The following SHISA9 variants were observed in gnomAD, a reference collection of about 807,000 sequenced individuals.
SHISA9 encodes the protein protein shisa-9.
Under a neutral mutation model 38.0 loss-of-function variants are expected in SHISA9, and 13 were observed. The observed-to-expected ratio is 0.34, with a 90% CI of 0.22 to 0.54. SHISA9 has a LOEUF of 0.54. Ranked by LOEUF, SHISA9 falls within the 20% of genes least tolerant of loss-of-function variation. SHISA9 has a pLI of 0.91. For missense variants in SHISA9, 538 were observed against 575.8 expected, an observed-to-expected ratio of 0.93 and a Z score of 0.67; for synonymous variants, 275 against 242.0, an observed-to-expected ratio of 1.14 and a Z score of -1.27.
chr16:13,033,033 C>T (rs912605075), intron 2 of SHISA9, among the ~76,000 whole-genome samples: 3 of 152,218 alleles, frequency 2.0e-5, no homozygotes, highest in Non-Finnish European at 4.4e-5. Flanking sequence ...GCTTTCTTCG[C>T]ATGGTGACCA....
chr16:13,285,358 A>C, the SHISA9 span, among the ~76,000 whole-genome samples: 1 of 152,074 alleles, frequency 6.6e-6, no homozygotes, highest in Admixed American at 6.6e-5. Flanking sequence ...ATTTAAATTG[A>C]ACGATGTTGG....
chr16:13,059,211 T>C (rs1417334474), intron 2 of SHISA9, among the ~76,000 whole-genome samples: 1 of 135,036 alleles, frequency 7.4e-6, no homozygotes, highest in Non-Finnish European at 1.5e-5. Context: ...CATTGCAAGC[T>C]CCCCCTCCCG....
chr16:13,144,595 G>A (rs150062), intron 2 of SHISA9, among the ~76,000 whole-genome samples: 113,488 of 152,058 alleles, frequency 0.75, 42,637 homozygotes, highest in South Asian at 0.86. Context: ...AGAAGAGATG[G>A]AACTAAAAAA....
the SHISA9 span, among the ~76,000 whole-genome samples, chr16:13,295,537 G>A: frequency 2.6e-5 from 4 of 152,166 alleles, no homozygotes; most frequent in Non-Finnish European, 2.9e-5. Flanking sequence ...CCTTCAGAGG[G>A]CATTGAAAAT....
At chr16:13,195,209 C>T (rs1026921278) in intron 2 of SHISA9, among the ~76,000 whole-genome samples, 1 of 152,066 alleles carries the variant, frequency 6.6e-6, no homozygotes, top group South Asian at 2.1e-4. Context: ...ATTCTTGGAC[C>T]AGGATAACAA....
chr16:12,964,737 G>C (rs1188370145), intron 2 of SHISA9, among the ~76,000 whole-genome samples: 4 of 152,078 alleles, frequency 2.6e-5, no homozygotes, highest in Non-Finnish European at 5.9e-5. Flanking sequence ...GGGAATGTAG[G>C]GAATTCCTAG....
chr16:13,444,951 T>C, the SHISA9 span, among the ~76,000 whole-genome samples: 1 of 144,384 alleles, frequency 6.9e-6, no homozygotes, highest in African/African-American at 2.6e-5. Flanking sequence ...CCCAGAGAGC[T>C]GGGACCATGG....
intron 2 of SHISA9, among the ~76,000 whole-genome samples, chr16:13,152,281 AGG>A (rs2050506404): frequency 6.6e-6 from 1 of 152,148 alleles, no homozygotes; most frequent in Non-Finnish European, 1.5e-5. Flanking sequence ...CATACAAGTC[AGG>A]AGAGGTTGTC....
the SHISA9 span, among the ~76,000 whole-genome samples, chr16:13,515,007 GAAAC>G: frequency 6.6e-6 from 1 of 152,040 alleles, no homozygotes; most frequent in African/African-American, 2.4e-5. Context: ...AATCTTGTGA[GAAAC>G]AACGCAAGCA....
At chr16:13,264,054 T>C in the SHISA9 span, among the ~76,000 whole-genome samples, 3 of 152,314 alleles carry the variant, frequency 2.0e-5, no homozygotes, top group African/African-American at 7.2e-5. Flanking sequence ...TAAGCAACTC[T>C]GGGCTCATAC....
intron 2 of SHISA9, among the ~76,000 whole-genome samples, chr16:12,977,775 C>A (rs987034619): frequency 2.0e-5 from 3 of 151,910 alleles, no homozygotes; most frequent in African/African-American, 7.3e-5. Flanking sequence ...AATGAGAACA[C>A]ATGGACACAG....
At chr16:13,365,623 A>AT in the SHISA9 span, among the ~76,000 whole-genome samples, 3 of 151,692 alleles carry the variant, frequency 2.0e-5, no homozygotes, top group African/African-American at 7.3e-5. Flanking sequence ...CGCCTGGCTA[A>AT]TTTTTTTATA....
the SHISA9 span, among the ~76,000 whole-genome samples, chr16:13,286,270 C>A: frequency 6.6e-6 from 1 of 152,116 alleles, no homozygotes. Context: ...AGGCAGGACC[C>A]CCTGAGGCTG....
At chr16:13,110,567 A>G (rs574168302) in intron 2 of SHISA9, among the ~76,000 whole-genome samples, 9 of 152,300 alleles carry the variant, frequency 5.9e-5, no homozygotes, top group African/African-American at 2.2e-4. Context: ...ATCTATTTCA[A>G]CATCCAAAAA....
At chr16:13,357,654 C>T in the SHISA9 span, among the ~76,000 whole-genome samples, 3 of 152,104 alleles carry the variant, frequency 2.0e-5, no homozygotes, top group Admixed American at 6.5e-5. Flanking sequence ...TGGGTGCAGG[C>T]GGGCTGAGTC....
chr16:13,320,346 A>C, the SHISA9 span, among the ~76,000 whole-genome samples: 1 of 147,682 alleles, frequency 6.8e-6, no homozygotes, highest in African/African-American at 2.5e-5. Flanking sequence ...ATAGGCTCAG[A>C]GGTCAAGCAA....
At chr16:12,986,091 C>G (rs898664419) in intron 2 of SHISA9, among the ~76,000 whole-genome samples, 18 of 150,102 alleles carry the variant, frequency 1.2e-4, no homozygotes, top group African/African-American at 4.5e-4. Context: ...TCACCTGCAT[C>G]TTTACTGTAT....
At chr16:13,481,637 C>T in the SHISA9 span, among the ~76,000 whole-genome samples, 1 of 152,122 alleles carries the variant, frequency 6.6e-6, no homozygotes, top group Non-Finnish European at 1.5e-5. Flanking sequence ...GTCCTCAGTG[C>T]CTTGTACCAT....
At chr16:13,406,918 A>G in the SHISA9 span, among the ~76,000 whole-genome samples, 13 of 151,810 alleles carry the variant, frequency 8.6e-5, no homozygotes, top group Non-Finnish European at 1.6e-4. Context: ...AAAATACAAA[A>G]TTAGCTGGGT....
Sources: gnomAD v4.1 joint callset for allele counts (sites outside exome capture counted in the v4.1 genomes callset) on GRCh38, gnomAD v4.1.1 for gene constraint, MANE v1.5 for transcripts, NCBI Gene and HGNC (gene_info 2026-07-23, HGNC 2026-07-21) for gene names.